Variants in MYCBP2 observed in about 807,000 individuals in gnomAD.
The protein encoded by MYCBP2 is E3 ubiquitin-protein ligase MYCBP2.
In MYCBP2, 120 loss-of-function variants were observed where a neutral mutation model predicts 525.3. The ratio of observed to expected loss-of-function variants is 0.23; its 90% CI spans 0.20 to 0.27. MYCBP2 has a LOEUF of 0.27. Among genes scored for constraint, MYCBP2 ranks in the 10% least tolerant of loss-of-function variants. The pLI is 1.00. For synonymous variants in MYCBP2, 1,894 were observed against 1,955.8 expected, an observed-to-expected ratio of 0.97 and a Z score of 0.83; for missense variants, 4,149 against 5,657.1, an observed-to-expected ratio of 0.73 and a Z score of 8.55.
chr13:77,235,969 G>A (rs967980824), intron 17 of MYCBP2, among the ~76,000 whole-genome samples: 3 of 152,144 alleles, frequency 2.0e-5, no homozygotes, highest in Non-Finnish European at 4.4e-5. Flanking sequence ...AGAGATAAAA[G>A]TATATCCTTC....
At chr13:77,266,598 A>C (rs2074115808) in intron 8 of MYCBP2, among the ~76,000 whole-genome samples, 1 of 151,884 alleles carries the variant, frequency 6.6e-6, no homozygotes, top group African/African-American at 2.4e-5. Flanking sequence ...TTTTTTGTTC[A>C]TATGATTTTT....
intron 68 of MYCBP2, among the ~76,000 whole-genome samples, chr13:77,071,459 A>G (rs2041278918): frequency 6.6e-6 from 1 of 152,186 alleles, no homozygotes; most frequent in Non-Finnish European, 1.5e-5. Flanking sequence ...GAGCCAGAAG[A>G]GAATGTCCCT....
chr13:77,301,538 A>G (rs1180130674), intron 1 of MYCBP2, among the ~76,000 whole-genome samples: 3 of 151,982 alleles, frequency 2.0e-5, no homozygotes, highest in Middle Eastern at 3.4e-3. Context: ...CCCTCACTGG[A>G]TTGAGATAAT....
intron 55 of MYCBP2, among the ~76,000 whole-genome samples, chr13:77,106,554 A>G (rs532002763): frequency 6.6e-6 from 1 of 152,252 alleles, no homozygotes; most frequent in East Asian, 1.9e-4. Context: ...TTTTTTTCAA[A>G]GACATTCCAC....
intron 44 of MYCBP2, among the ~76,000 whole-genome samples, chr13:77,159,990 A>T (rs1299164437): frequency 6.6e-6 from 1 of 152,176 alleles, no homozygotes; most frequent in Non-Finnish European, 1.5e-5. Context: ...GGCTTTTTAA[A>T]ACTCAGACGT....
chr13:77,211,383 C>A, intron 22 of MYCBP2, 63 bp from the exon 23 acceptor site: 2 of 865,692 alleles, frequency 2.3e-6, no homozygotes, highest in Non-Finnish European at 3.0e-6. Context: ...TCTCCAAAAC[C>A]CATAAAGTAG....
Position 77,097,775 on chromosome 13 carries a change from G to T in MYCBP2, c.9379C>A (p.Pro3127Thr). Residue 3127 changes from proline (P) to threonine (T), a missense_variant, in exon 56 of 83, where the codon CCA (proline) becomes ACA (threonine). Pro to Thr is a conservative substitution (Grantham distance 38). Transcript: ENST00000544440. ...TCCTCACATTTTTCATGCAGAGGTG[G>T]TTCCTTAAGCATAGACAATACCTTG... ...KNKVLSMLKE[P>T]PLHEKCEDGK... is the part of the protein sequence containing the mutation. 6.2e-7 allele frequency: 1 copy of T among 1,613,690 alleles called. No homozygotes were observed. The highest frequency in any genetic ancestry group is 2.2e-5 in the East Asian group (1 of 44,850).
chr13:77,308,759 A>G (rs1214003125), intron 1 of MYCBP2, among the ~76,000 whole-genome samples: 1 of 152,226 alleles, frequency 6.6e-6, no homozygotes, highest in Non-Finnish European at 1.5e-5. Context: ...AAGAAAGGAC[A>G]TATTATGAAG....
intron 4 of MYCBP2, among the ~76,000 whole-genome samples, chr13:77,276,959 A>G (rs989481457): frequency 6.6e-5 from 10 of 151,626 alleles, no homozygotes; most frequent in African/African-American, 2.4e-4. Flanking sequence ...CCCAGCCAAT[A>G]ATGTGAAAGT....
intron 1 of MYCBP2, among the ~76,000 whole-genome samples, chr13:77,319,105 G>A (rs2154381333): frequency 6.6e-6 from 1 of 152,128 alleles, no homozygotes; most frequent in South Asian, 2.1e-4. Flanking sequence ...GTGCAGTTTG[G>A]GAACGTGTGT....
chr13:77,317,938 A>AAACATAACAT (rs71102740), intron 1 of MYCBP2, among the ~76,000 whole-genome samples: 3,056 of 132,050 alleles, frequency 0.023, 75 homozygotes, highest in East Asian at 0.049. Flanking sequence ...CTCCGTCTCA[A>AAACATAACAT]AACATAACAT....
chr13:77,152,812 T>C (rs1011662010), intron 46 of MYCBP2, among the ~76,000 whole-genome samples: 1 of 152,122 alleles, frequency 6.6e-6, no homozygotes, highest in African/African-American at 2.4e-5. Context: ...ACGCCTGTAA[T>C]CCCAGCACTT....
chr13:77,117,382 T>C (rs1222305722), intron 55 of MYCBP2, among the ~76,000 whole-genome samples: 3 of 152,224 alleles, frequency 2.0e-5, no homozygotes, highest in African/African-American at 7.2e-5. Context: ...GTTTATACTC[T>C]TGTGTACCCT....
chr13:77,206,480 G>T (rs543204908), intron 24 of MYCBP2, among the ~76,000 whole-genome samples, 173 bp downstream of exon 24: 1 of 151,882 alleles, frequency 6.6e-6, no homozygotes, highest in African/African-American at 2.4e-5. Context: ...GTTAGTACAG[G>T]TCTCATGTAT....
chr13:77,083,280 G>T (rs2043617034), intron 62 of MYCBP2, 88 bp from the exon 63 acceptor site: 1 of 1,197,868 alleles, frequency 8.3e-7, no homozygotes, highest in Non-Finnish European at 1.1e-6. Context: ...TTAAAAAATG[G>T]TCATGTAACA....
chr13:77,224,734 T>A (rs1326044816), intron 19 of MYCBP2, among the ~76,000 whole-genome samples: 2 of 152,154 alleles, frequency 1.3e-5, no homozygotes, highest in Non-Finnish European at 2.9e-5. Context: ...AATGTATAAT[T>A]TTTTCATAAT....
chr13:77,180,372 G>T, intron 33 of MYCBP2, 54 bp from the exon 34 acceptor site: 1 of 1,470,438 alleles, frequency 6.8e-7, no homozygotes. Flanking sequence ...CTTCATAGGA[G>T]TACTCAATTT....
chr13:77,135,055 AGTTT>A (rs2053529159), intron 52 of MYCBP2, among the ~76,000 whole-genome samples: 1 of 152,174 alleles, frequency 6.6e-6, no homozygotes, highest in Non-Finnish European at 1.5e-5. Context: ...CTCTCTCTAT[AGTTT>A]GTTTGAGTTG....
chr13:77,275,393 T>C (rs1044805258), intron 4 of MYCBP2, among the ~76,000 whole-genome samples: 2 of 152,218 alleles, frequency 1.3e-5, no homozygotes, highest in Non-Finnish European at 2.9e-5. Context: ...ATTGCTCTTC[T>C]TTTCATTCAT....
Sources: gnomAD v4.1 joint callset for allele counts (sites outside exome capture counted in the v4.1 genomes callset) on GRCh38, gnomAD v4.1.1 for gene constraint, MANE v1.5 for transcripts, NCBI Gene and HGNC (gene_info 2026-07-23, HGNC 2026-07-21) for gene names.